Variants in NPHP1 observed in about 807,000 individuals in gnomAD.
NPHP1 encodes the protein nephrocystin 1.
In NPHP1, 70 loss-of-function variants were observed where a neutral mutation model predicts 90.4. That is an observed-to-expected ratio of 0.77 (90% CI 0.64 to 0.95). The LOEUF (loss-of-function observed/expected upper bound fraction) is 0.95. Ranked by LOEUF, NPHP1 falls within the 40% of genes least tolerant of loss-of-function variation. The probability of loss-of-function intolerance (pLI) is 0.00; values close to 1 mark genes in which losing one functional copy is unlikely to be tolerated. For synonymous variants in NPHP1, 256 were observed against 271.7 expected (o/e 0.94, Z 0.57); for missense variants, 764 against 795.9 (o/e 0.96, Z 0.48).
chr2:110,202,339 A>G (rs529692598), intron 1 of NPHP1: 136 of 388,584 alleles, frequency 3.5e-4, no homozygotes, highest in South Asian at 2.4e-3. Context: ...GCAATTTGGC[A>G]TCCATCTGAG....
chr2:110,195,036 C>A (rs1481984381), intron 2 of NPHP1, among the ~76,000 whole-genome samples: 5 of 152,078 alleles, frequency 3.3e-5, no homozygotes, highest in Non-Finnish European at 7.4e-5. Flanking sequence ...CTAAGACAAA[C>A]CCACAGCCAA....
chr2:110,178,559 T>C lies in NPHP1; in HGVS notation c.205-12A>G, dbSNP rs752515999. 2 of 1,598,104 alleles carry C rather than the reference T, an allele frequency of 1.3e-6. No individual in the cohort carries two copies. The highest frequency in any genetic ancestry group is 1.1e-5 in the South Asian group (1 of 87,022). On this transcript the variant is annotated splice_polypyrimidine_tract_variant and intron_variant, in intron 3 of 19. Transcript: ENST00000445609. ...GCAGATTCATCAGCCTATGAGAGAA[T>C]ATAGGTCTATTTCACTAAAAAATTA...
chr2:110,168,584 A>G lies in NPHP1; in HGVS notation c.523-31T>C, dbSNP rs369406624. 5.1e-6 allele frequency: 7 copies of G among 1,379,212 alleles called. No homozygotes were observed. The South Asian group carries it at 8.1e-5, about 16-fold the overall frequency. The allele number at this position is 1,379,212 out of a possible 1,614,324, so 85.4% of individuals were successfully genotyped here. On this transcript the variant is annotated intron_variant, in intron 5 of 19. Transcript: ENST00000445609. ...AGCAAAACAAAGTAAACCATTTTAAATAAAATTCAATAATCATGAGTATAT... is the reference window on the plus strand; with the variant it reads ...AGCAAAACAAAGTAAACCATTTTAAGTAAAATTCAATAATCATGAGTATAT...
At chr2:110,146,218 T>C (rs1324837332) in intron 14 of NPHP1, among the ~76,000 whole-genome samples, 1 of 152,190 alleles carries the variant, frequency 6.6e-6, no homozygotes, top group African/African-American at 2.4e-5. Flanking sequence ...ATTTAGATGA[T>C]CTTTTTCTTA....
intron 2 of NPHP1, among the ~76,000 whole-genome samples, chr2:110,190,313 A>G (rs1238670094): frequency 3.9e-5 from 6 of 152,132 alleles, no homozygotes; most frequent in African/African-American, 1.4e-4. Context: ...CTCGGGCCGC[A>G]CAGGAGCCCA....
At chr2:110,161,526 T>G in intron 10 of NPHP1, 77 bp downstream of exon 10, 1 of 940,370 alleles carries the variant, frequency 1.1e-6, no homozygotes. Flanking sequence ...ATTAGTCAAT[T>G]AACATGTTGT....
chr2:110,201,376 G>A, intron 2 of NPHP1, 45 bp downstream of exon 2: 3 of 1,199,998 alleles, frequency 2.5e-6, no homozygotes, highest in Non-Finnish European at 3.7e-6. Flanking sequence ...GCATTGAAAT[G>A]TAAGTGCGGT....
chr2:110,201,431 T>G lies in NPHP1; in HGVS notation c.133A>C (p.Ile45Leu), dbSNP rs145479679. 3.1e-4 allele frequency: 499 copies of G among 1,605,010 alleles called. 2 individuals carry two copies. In the African/African-American group the frequency reaches 6.2e-3, roughly 20 times the overall value. The change falls in exon 2 of 20, where the codon ATT becomes CTT. Residue 45 changes from isoleucine (I) to leucine (L), a missense_variant. Physicochemically the swap from Ile to Leu is conservative, Grantham distance 5. Coordinates refer to ENST00000445609, the MANE Select transcript of NPHP1 (RefSeq NM_001128178.3). Reference sequence around the variant, plus strand: ...TTTAGCATACTTTACCTTTGATAAATATGTTGTCTTTTATTGGGTTCTAGA... The same window carrying G: ...TTTAGCATACTTTACCTTTGATAAAGATGTTGTCTTTTATTGGGTTCTAGA... ...EALEPNKRQH[I>L]YQRCIQLKQA...
At chr2:110,168,358 C>T (rs1361389329) in intron 6 of NPHP1, 94 bp downstream of exon 6, 2 of 805,642 alleles carry the variant, frequency 2.5e-6, no homozygotes, top group Non-Finnish European at 4.3e-6. Flanking sequence ...TCAAGTCATT[C>T]ACTAGTCAAC....
chr2:110,148,331 T>C (rs1443986306), intron 12 of NPHP1, among the ~76,000 whole-genome samples: 1 of 152,160 alleles, frequency 6.6e-6, no homozygotes, highest in African/African-American at 2.4e-5. Flanking sequence ...CTGCCATGAC[T>C]GGAAGCTTCC....
intron 11 of NPHP1, among the ~76,000 whole-genome samples, chr2:110,157,192 C>T (rs1344801060): frequency 1.3e-5 from 2 of 152,118 alleles, no homozygotes; most frequent in East Asian, 3.9e-4. Flanking sequence ...GGAAATCTCA[C>T]ATAAATTTCT....
Position 110,163,259 on chromosome 2 carries a change from G to GA in NPHP1, c.772-125dup. ...TATAAACATACAGACTTTAGTGGAAGAATAATACGATTTGGCCCCAAATTC... is the reference window on the plus strand; with the variant it reads ...TATAAACATACAGACTTTAGTGGAAGAAATAATACGATTTGGCCCCAAATTC... On this transcript the variant is annotated intron_variant, in intron 8 of 19. Transcript: ENST00000445609. 4.1e-6 allele frequency: 3 copies of GA among 738,408 alleles called. No homozygotes were observed. The South Asian group carries it at 4.7e-5, about 11-fold the overall frequency. The allele number at this position is 738,408 out of a possible 1,614,324, so 45.7% of individuals were successfully genotyped here.
intron 14 of NPHP1, among the ~76,000 whole-genome samples, chr2:110,144,774 G>A (rs1680895592): frequency 6.6e-6 from 1 of 152,084 alleles, no homozygotes; most frequent in South Asian, 2.1e-4. Context: ...ATAAGCTGCA[G>A]AAAATTATCT....
intron 12 of NPHP1, among the ~76,000 whole-genome samples, chr2:110,149,298 GT>G (rs1340193320): frequency 5.9e-5 from 9 of 152,116 alleles, no homozygotes; most frequent in Non-Finnish European, 1.2e-4. Flanking sequence ...ACTCCCAACA[GT>G]TCTTCCTTCT....
chr2:110,197,564 C>T (rs1183012089), intron 2 of NPHP1, among the ~76,000 whole-genome samples: 1 of 152,100 alleles, frequency 6.6e-6, no homozygotes, highest in Non-Finnish European at 1.5e-5. Context: ...CCCATTTTAT[C>T]CTCCCTTACC....
At chr2:110,179,551 A>G in intron 3 of NPHP1, 73 bp downstream of exon 3, 1 of 772,270 alleles carries the variant, frequency 1.3e-6, no homozygotes, top group African/African-American at 1.7e-5. Flanking sequence ...ACCAACTTGA[A>G]TTAACTTCCA....
chr2:110,200,916 A>G (rs1309060437), intron 2 of NPHP1, among the ~76,000 whole-genome samples: 1 of 152,198 alleles, frequency 6.6e-6, no homozygotes, highest in African/African-American at 2.4e-5. Flanking sequence ...ATCCTTAAAT[A>G]TCTCAAAAAC....
At chr2:110,160,051 G>A (rs1682192377) in intron 11 of NPHP1, 76 bp downstream of exon 11, 1 of 1,498,030 alleles carries the variant, frequency 6.7e-7, no homozygotes, top group Admixed American at 1.7e-5. Context: ...TTGGGGAGGA[G>A]TTGAATGGAA....
intron 11 of NPHP1, among the ~76,000 whole-genome samples, chr2:110,153,176 A>C (rs561972367): frequency 1.2e-4 from 18 of 152,306 alleles, no homozygotes; most frequent in African/African-American, 3.8e-4. Flanking sequence ...TCAAGTGTCA[A>C]ACAAAAATAA....
Sources: allele counts gnomAD v4.1 joint callset (sites outside exome capture counted in the v4.1 genomes callset), GRCh38; gene constraint gnomAD v4.1.1; transcripts MANE v1.5; gene names NCBI Gene and HGNC (gene_info 2026-07-23, HGNC 2026-07-21).